The following UNC5C variants were observed in gnomAD, a reference collection of about 807,000 sequenced individuals.
The protein encoded by UNC5C is unc-5 netrin receptor C, also known as netrin receptor UNC5C.
In UNC5C, 47 loss-of-function variants were observed where a neutral mutation model predicts 99.8. The observed-to-expected ratio is 0.47, with a 90% CI of 0.37 to 0.60. The LOEUF (loss-of-function observed/expected upper bound fraction) is 0.60. Among genes scored for constraint, UNC5C ranks in the 20% least tolerant of loss-of-function variants. The pLI is 0.00. For synonymous variants in UNC5C, 487 were observed against 452.2 expected (o/e 1.08, Z -0.98); for missense variants, 1,062 against 1,165.9 (o/e 0.91, Z 1.30).
chr4:95,185,245 T>C lies in UNC5C; in HGVS notation c.2137-49A>G. ...AAAGCACGTTATTGATTTGGATCAC[T>C]TCTGTCAGCTCTCTCATTGAATAAG... On this transcript the variant is annotated intron_variant, in intron 12 of 15. Transcript: ENST00000453304. The C allele has an allele frequency of 2.6e-6, 4 of 1,547,426 alleles. No individual in the cohort carries two copies. In the South Asian group the frequency reaches 5.0e-5, roughly 19 times the overall value.
intron 2 of UNC5C, among the ~76,000 whole-genome samples, chr4:95,304,570 C>G (rs2149405345): frequency 6.6e-6 from 1 of 151,898 alleles, no homozygotes; most frequent in South Asian, 2.1e-4. Flanking sequence ...CTTTCTCTCT[C>G]TCTCTTTTTT....
chr4:95,210,175 G>A (rs1035856942), intron 10 of UNC5C, among the ~76,000 whole-genome samples: 1 of 152,044 alleles, frequency 6.6e-6, no homozygotes, highest in Admixed American at 6.6e-5. Flanking sequence ...TCTTGGAGGA[G>A]GGATAGCAAG....
At chr4:95,291,242 C>G (rs1296346376) in intron 3 of UNC5C, among the ~76,000 whole-genome samples, 1 of 152,000 alleles carries the variant, frequency 6.6e-6, no homozygotes, top group Non-Finnish European at 1.5e-5. Flanking sequence ...TATGTCATCA[C>G]AGTATTTTTT....
intron 1 of UNC5C, among the ~76,000 whole-genome samples, chr4:95,440,168 T>C (rs1746907526): frequency 1.3e-5 from 2 of 152,160 alleles, no homozygotes; most frequent in Non-Finnish European, 1.5e-5. Flanking sequence ...GAGAGGCTAT[T>C]GTTCTGCACG....
intron 1 of UNC5C, among the ~76,000 whole-genome samples, chr4:95,451,153 G>C (rs572951768): frequency 6.6e-6 from 1 of 152,134 alleles, no homozygotes; most frequent in Non-Finnish European, 1.5e-5. Context: ...AAATCTCAAC[G>C]TGGAAGTCTT....
intron 1 of UNC5C, among the ~76,000 whole-genome samples, chr4:95,489,207 T>C (rs1721412750): frequency 6.6e-6 from 1 of 151,444 alleles, no homozygotes; most frequent in East Asian, 2.0e-4. Flanking sequence ...GACATGACGA[T>C]AGGGTGACAC....
intron 1 of UNC5C, among the ~76,000 whole-genome samples, chr4:95,339,599 C>A (rs1345219943): frequency 1.3e-5 from 2 of 151,860 alleles, no homozygotes. Flanking sequence ...ATATAAATAT[C>A]TGAAGGAGTG....
At chr4:95,344,852 T>TA (rs1743711090) in intron 1 of UNC5C, among the ~76,000 whole-genome samples, 2 of 151,444 alleles carry the variant, frequency 1.3e-5, no homozygotes, top group South Asian at 4.2e-4. Flanking sequence ...CAAAATAAAA[T>TA]AAAAAACAAA....
intron 1 of UNC5C, among the ~76,000 whole-genome samples, chr4:95,411,127 C>T (rs1745974886): frequency 6.6e-6 from 1 of 152,184 alleles, no homozygotes; most frequent in Non-Finnish European, 1.5e-5. Context: ...ACACATGCCA[C>T]AGCCCCTCGG....
chr4:95,528,715 A>T (rs1722560068), intron 1 of UNC5C, among the ~76,000 whole-genome samples: 1 of 152,122 alleles, frequency 6.6e-6, no homozygotes, highest in East Asian at 1.9e-4. Context: ...TCAAGAAATT[A>T]GAGACAGGGA....
chr4:95,247,870 T>A (rs1373750906), intron 5 of UNC5C: 1 of 152,414 alleles, frequency 6.6e-6, no homozygotes, highest in East Asian at 1.9e-4. Flanking sequence ...GACTGGCACA[T>A]GCTGTGATTG....
At chr4:95,180,167 C>G (rs987581450) in intron 14 of UNC5C, among the ~76,000 whole-genome samples, 1 of 152,116 alleles carries the variant, frequency 6.6e-6, no homozygotes, top group Non-Finnish European at 1.5e-5. Context: ...CATTTAATTC[C>G]CACACTGGCC....
intron 1 of UNC5C, among the ~76,000 whole-genome samples, chr4:95,444,069 T>C (rs17381177): frequency 0.061 from 9,226 of 152,254 alleles, 349 homozygotes; most frequent in East Asian, 0.14. Flanking sequence ...AATGGTCTCC[T>C]GAATATCCTT....
chr4:95,312,086 A>G (rs1456238786), intron 2 of UNC5C, among the ~76,000 whole-genome samples: 1 of 150,884 alleles, frequency 6.6e-6, no homozygotes, highest in African/African-American at 2.5e-5. Context: ...ACAACAAAAA[A>G]CAAAAAAAAC....
intron 1 of UNC5C, among the ~76,000 whole-genome samples, chr4:95,474,915 C>G (rs187361669): frequency 6.6e-6 from 1 of 152,196 alleles, no homozygotes; most frequent in East Asian, 1.9e-4. Context: ...ATGACTCTTT[C>G]CACAGTTTTA....
chr4:95,242,709 A>G (rs1160436996), intron 6 of UNC5C, 116 bp from the exon 7 acceptor site: 2 of 1,184,788 alleles, frequency 1.7e-6, no homozygotes, highest in African/African-American at 3.1e-5. Context: ...CCCTACTGAG[A>G]AGCACTGTAT....
intron 12 of UNC5C, 122 bp downstream of exon 12, chr4:95,202,609 C>T (rs1327130817): frequency 2.1e-6 from 2 of 938,720 alleles, no homozygotes; most frequent in East Asian, 2.6e-5. Context: ...TCCTTTTGGG[C>T]CAAACACGTG....
At chr4:95,438,246 T>C (rs951425252) in intron 1 of UNC5C, among the ~76,000 whole-genome samples, 12 of 152,082 alleles carry the variant, frequency 7.9e-5, no homozygotes, top group African/African-American at 2.9e-4. Context: ...AGAGGTTCCA[T>C]GACCATGTCA....
At chr4:95,209,182 G>A (rs1202290756) in intron 10 of UNC5C, among the ~76,000 whole-genome samples, 3 of 152,102 alleles carry the variant, frequency 2.0e-5, no homozygotes, top group Non-Finnish European at 4.4e-5. Flanking sequence ...TCTAAAATGG[G>A]GCTCACAAAA....
Sources: gnomAD v4.1 joint callset for allele counts (sites outside exome capture counted in the v4.1 genomes callset) on GRCh38, gnomAD v4.1.1 for gene constraint, MANE v1.5 for transcripts, NCBI Gene and HGNC (gene_info 2026-07-23, HGNC 2026-07-21) for gene names.